LYST: variants seen among roughly 807,000 people sequenced by gnomAD.
LYST encodes lysosomal-trafficking regulator.
In LYST, 192 loss-of-function variants were observed where a neutral mutation model predicts 413.6. The ratio of observed to expected loss-of-function variants is 0.46; its 90% CI spans 0.41 to 0.52. The LOEUF is 0.52. Among genes scored for constraint, LYST ranks in the 20% least tolerant of loss-of-function variants. The probability of loss-of-function intolerance (pLI) is 0.00; values close to 1 mark genes in which losing one functional copy is unlikely to be tolerated. For synonymous variants in LYST, 1,525 were observed against 1,567.3 expected, an observed-to-expected ratio of 0.97 and a Z score of 0.64; for missense variants, 3,815 against 4,499.9, an observed-to-expected ratio of 0.85 and a Z score of 4.35.
At chr1:235,754,637 C>A (rs886254899) in intron 25 of LYST, among the ~76,000 whole-genome samples, 3 of 152,014 alleles carry the variant, frequency 2.0e-5, no homozygotes, top group Non-Finnish European at 2.9e-5. Flanking sequence ...AGTGAATGAA[C>A]TATAAAGGAT....
chr1:235,805,697 T>G, intron 6 of LYST, 46 bp downstream of exon 6: 1 of 1,099,192 alleles, frequency 9.1e-7, no homozygotes, highest in Non-Finnish European at 1.4e-6. Context: ...TGTGTATATA[T>G]ATGTATATAT....
chr1:235,744,103 C>T lies in LYST; in HGVS notation c.8027G>A (p.Ser2676Asn), dbSNP rs113209379. ...TTCGGTCTGGAAAACTGAGGTCTTG[C>T]TTTGAGTTACATTTTCTGGAGTTCT... ...ILRTPENVTQSKTSVFQTEIS... is the reference protein window; with the variant it reads ...ILRTPENVTQNKTSVFQTEIS... Residue 2676 changes from serine (S) to asparagine (N), a missense_variant, in exon 30 of 53, where the codon AGC becomes AAC. Around this residue, in one of 4 missense-constraint regions of LYST, gnomAD observed 771 missense variants for 837.1 expected, o/e 0.92. Coordinates refer to ENST00000389793, the MANE Select transcript of LYST (RefSeq NM_000081.4). 4.4e-6 allele frequency: 7 copies of T among 1,600,430 alleles called. No homozygotes were observed. Among genetic ancestry groups the T allele is most frequent in the Non-Finnish European group, 5.1e-6 (6 of 1,167,980 alleles).
intron 3 of LYST, chr1:235,828,013 T>C (rs963590011): frequency 2.4e-6 from 1 of 415,944 alleles, no homozygotes; most frequent in South Asian, 1.0e-4. Flanking sequence ...AATAAGCAAA[T>C]GAAAAAATGC....
chr1:235,793,138 G>C lies in LYST; in HGVS notation c.4116+365C>G, dbSNP rs79746891. On this transcript the variant is annotated intron_variant, in intron 11 of 52. Transcript: ENST00000389793. ...AGGGGAAGCATAGACAATAATTGAAGAGTATAGTGGATAATAACCTTTTGA... is the reference window on the plus strand; with the variant it reads ...AGGGGAAGCATAGACAATAATTGAACAGTATAGTGGATAATAACCTTTTGA... Among the ~76,000 whole-genome samples the C allele has an allele frequency of 8.0e-3, 1,216 of 152,316 alleles. 18 individuals are homozygous for C. The highest frequency in any genetic ancestry group is 0.027 in the African/African-American group (1,139 of 41,562).
chr1:235,754,166 A>G (rs1363778171), intron 25 of LYST, among the ~76,000 whole-genome samples: 1 of 150,194 alleles, frequency 6.7e-6, no homozygotes, highest in Non-Finnish European at 1.5e-5. Context: ...AGGCGTTCCT[A>G]TATGGATCCT....
At chr1:235,763,284 G>T (rs1396932595) in intron 21 of LYST, among the ~76,000 whole-genome samples, 1 of 152,064 alleles carries the variant, frequency 6.6e-6, no homozygotes, top group East Asian at 1.9e-4. Context: ...TCAACTGCTT[G>T]GTTTCTTAAA....
rs148018560 is a variant in LYST, at chr1:235,741,558, C to A, written c.8222G>T (p.Arg2741Leu). 6.2e-7 allele frequency: 1 copy of A among 1,614,092 alleles called. No homozygotes were observed. Among genetic ancestry groups the A allele is most frequent in the Non-Finnish European group, 8.5e-7 (1 of 1,179,980 alleles). Residue 2741 changes from arginine to leucine, a missense_variant, in exon 31 of 53, where the codon CGA becomes CTA. Physicochemically the swap from Arg to Leu is moderately radical, Grantham distance 102. This residue lies in a region of LYST where 771 missense variants were observed against 837.1 expected (regional missense o/e 0.92). Coordinates refer to ENST00000389793, the MANE Select transcript of LYST (RefSeq NM_000081.4). ...KILWSCKETF[R>L]MQLGRLLVHI... ...CACTAGTAGTCTCCCAAGCTGCATT[C>A]GGAAGGTCTCCTTACAAGACCACAG...
chr1:235,858,142 A>AC (rs891507855), intron 1 of LYST, among the ~76,000 whole-genome samples: 45 of 152,096 alleles, frequency 3.0e-4, no homozygotes, highest in African/African-American at 1.0e-3. Flanking sequence ...TTCTTCAATG[A>AC]CCCCTACTTT....
At chr1:235,747,727 TTAGTAC>T (rs960634197) in intron 28 of LYST, among the ~76,000 whole-genome samples, 12 of 152,302 alleles carry the variant, frequency 7.9e-5, no homozygotes, top group African/African-American at 2.9e-4. Flanking sequence ...TAAGTCTTCT[TTAGTAC>T]TAGGTATTAA....
intron 22 of LYST, among the ~76,000 whole-genome samples, chr1:235,760,738 AT>A (rs1192285184): frequency 6.6e-6 from 1 of 152,248 alleles, no homozygotes; most frequent in African/African-American, 2.4e-5. Context: ...GTAAACAGGC[AT>A]TAAATGAACT....
chr1:235,819,455 T>A (rs1674513465), intron 3 of LYST, among the ~76,000 whole-genome samples: 1 of 152,078 alleles, frequency 6.6e-6, no homozygotes, highest in Non-Finnish European at 1.5e-5. Flanking sequence ...AAGTTTTATC[T>A]CCCAAGGTCC....
At chr1:235,846,747 C>T (rs566750433) in intron 1 of LYST, among the ~76,000 whole-genome samples, 9 of 152,028 alleles carry the variant, frequency 5.9e-5, no homozygotes, top group South Asian at 2.1e-4. Flanking sequence ...AAAGTCTCAG[C>T]GATAGAACTA....
chr1:235,819,534 T>A (rs916705333), intron 3 of LYST, among the ~76,000 whole-genome samples: 1 of 152,166 alleles, frequency 6.6e-6, no homozygotes, highest in Non-Finnish European at 1.5e-5. Flanking sequence ...AGTGGGAAGT[T>A]CCCAATGTGC....
At chr1:235,692,547 AT>A (rs921047769) in intron 47 of LYST, among the ~76,000 whole-genome samples, 22 of 151,418 alleles carry the variant, frequency 1.5e-4, no homozygotes, top group Admixed American at 1.2e-3. Flanking sequence ...TGCCTGGCTA[AT>A]TTTTTTTGTA....
At chr1:235,818,524 C>A (rs574472713) in intron 3 of LYST, among the ~76,000 whole-genome samples, 4 of 152,144 alleles carry the variant, frequency 2.6e-5, no homozygotes, top group African/African-American at 7.2e-5. Flanking sequence ...TTTCCATGTG[C>A]TTTACTTCCA....
chr1:235,708,759 T>C (rs190686721), intron 44 of LYST, among the ~76,000 whole-genome samples: 118 of 152,300 alleles, frequency 7.7e-4, no homozygotes, highest in African/African-American at 2.8e-3. Flanking sequence ...TGTTTGTGCC[T>C]GCTTTCTCCC....
Position 235,791,824 on chromosome 1 carries a change from A to T in LYST, c.4418T>A (p.Phe1473Tyr). 1 of 1,614,180 alleles carries T rather than the reference A, an allele frequency of 6.2e-7. No homozygotes were observed. The highest frequency in any genetic ancestry group is 1.1e-5 in the South Asian group (1 of 91,086). Residue 1473 changes from phenylalanine (F) to tyrosine (Y), a missense_variant, in exon 12 of 53, where the codon TTC (phenylalanine) becomes TAC (tyrosine). Phe to Tyr is a conservative substitution (Grantham distance 22). Coordinates refer to ENST00000389793, the MANE Select transcript of LYST (RefSeq NM_000081.4). ...CACATTAAACCACAGGGAAACACTG[A>T]AACCTTCTGATAGGTGTGGCCAGCA... ...QNCWPHLSEG[F>Y]SVSLWFNVEC...
At position 235,733,849 on chromosome 1, in the gene LYST, C is replaced by T. The variant is rs780128541; in HGVS notation, c.8593G>A (p.Val2865Ile). 6.9e-6 allele frequency: 11 copies of T among 1,602,936 alleles called. No individual in the cohort carries two copies. The highest frequency in any genetic ancestry group is 1.7e-5 in the Admixed American group (1 of 59,962). The change falls in exon 33 of 53, where the codon GTT becomes ATT. Residue 2865 changes from valine (V) to isoleucine (I), a missense_variant. Around this residue, in one of 4 missense-constraint regions of LYST, gnomAD observed 866 missense variants for 1,156.0 expected, o/e 0.75. Coordinates refer to ENST00000389793, the MANE Select transcript of LYST (RefSeq NM_000081.4). ...TCTTACCTTTGTTGATTATTGTTAA[C>T]TGTTTTCTGCCAAGCAGCTTTATTC... ...GVNKAAWQKT[V>I]NNNQQSLFQR...
intron 3 of LYST, chr1:235,828,802 A>C (rs1675615565): frequency 1.0e-5 from 8 of 789,974 alleles, no homozygotes; most frequent in Non-Finnish European, 1.2e-5. Flanking sequence ...ACATGGTCTA[A>C]CATGATTTTT....
Sources: allele counts gnomAD v4.1 joint callset (sites outside exome capture counted in the v4.1 genomes callset), GRCh38; gene constraint gnomAD v4.1.1; regional missense constraint gnomAD v4.1.1; transcripts MANE v1.5; gene names NCBI Gene and HGNC (gene_info 2026-07-23, HGNC 2026-07-21).